Variants in LATS2 observed in about 807,000 individuals in gnomAD.
LATS2 encodes serine/threonine-protein kinase LATS2.
A neutral mutation model predicts 76.0 loss-of-function variants in LATS2; 24 were observed. The ratio of observed to expected loss-of-function variants is 0.32; its 90% CI spans 0.23 to 0.44. The LOEUF (loss-of-function observed/expected upper bound fraction) is 0.44, where lower values mean the gene tolerates loss of function less well. Ranked by LOEUF, LATS2 falls within the 20% of genes least tolerant of loss-of-function variation. The pLI, the probability that LATS2 is intolerant of heterozygous loss-of-function variation, is 1.00. For synonymous variants in LATS2, 692 were observed against 635.4 expected (o/e 1.09, Z -1.34); for missense variants, 1,286 against 1,481.2 (o/e 0.87, Z 2.16).
At chr13:20,992,471 G>A (rs1243532423) in intron 2 of LATS2, among the ~76,000 whole-genome samples, 1 of 152,158 alleles carries the variant, frequency 6.6e-6, no homozygotes, top group Non-Finnish European at 1.5e-5. Flanking sequence ...GGGCGGTGAG[G>A]CTCTGATGAA....
Position 20,991,861 on chromosome 13 carries a change from C to T in LATS2, c.343-457G>A, listed in dbSNP as rs549295820. Among the ~76,000 whole-genome samples, 6 of 152,270 alleles carry T rather than the reference C, an allele frequency of 3.9e-5. No individual in the cohort carries two copies. The highest frequency in any genetic ancestry group is 1.9e-4 in the East Asian group (1 of 5,176). ...GTCCCCAGGGAGAGGGTGCAGCTGCCGAAGAGTCATATATTACACGCCTAC... is the reference window on the plus strand; with the variant it reads ...GTCCCCAGGGAGAGGGTGCAGCTGCTGAAGAGTCATATATTACACGCCTAC... On this transcript the variant is annotated intron_variant, in intron 2 of 7. Coordinates refer to ENST00000382592, the MANE Select transcript of LATS2 (RefSeq NM_014572.3). This position sits in a 1 kb window ranked among gnomAD's most constrained non-coding sequence, Gnocchi z 4.9.
At chr13:21,019,626 A>G (rs1026521314) in intron 2 of LATS2, among the ~76,000 whole-genome samples, 1 of 128,508 alleles carries the variant, frequency 7.8e-6, no homozygotes, top group African/African-American at 2.9e-5. Context: ...TATAGGTGTG[A>G]GCCACCGCAT....
chr13:21,008,986 A>C (rs1292069124), intron 2 of LATS2, among the ~76,000 whole-genome samples: 2 of 152,242 alleles, frequency 1.3e-5, no homozygotes, highest in African/African-American at 4.8e-5. Flanking sequence ...CACGTTGCAA[A>C]ATCACGTTGT....
At chr13:21,035,067 T>C (rs1031320974) in intron 2 of LATS2, among the ~76,000 whole-genome samples, 1 of 151,954 alleles carries the variant, frequency 6.6e-6, no homozygotes, top group Non-Finnish European at 1.5e-5. Flanking sequence ...TCCATCTCTA[T>C]TGACAAGAAC....
chr13:21,036,969 T>C (rs1398855813), intron 2 of LATS2, among the ~76,000 whole-genome samples: 2 of 152,250 alleles, frequency 1.3e-5, no homozygotes, highest in Non-Finnish European at 2.9e-5. Flanking sequence ...ACATTTACGC[T>C]AGTAATTCCA....
intron 1 of LATS2, among the ~76,000 whole-genome samples, chr13:21,048,710 G>A (rs1341639358): frequency 6.6e-6 from 1 of 151,974 alleles, no homozygotes; most frequent in Non-Finnish European, 1.5e-5. Context: ...GGTGGCGGGT[G>A]CCTATAATCC....
At chr13:21,005,143 C>G (rs1315385703) in intron 2 of LATS2, 1 of 152,140 alleles carries the variant, frequency 6.6e-6, no homozygotes, top group African/African-American at 2.4e-5. Flanking sequence ...GTTTTCCCAA[C>G]ACAAAAAAGG....
chr13:21,043,868 C>G (rs1046319497), intron 2 of LATS2, among the ~76,000 whole-genome samples: 1 of 152,158 alleles, frequency 6.6e-6, no homozygotes, highest in African/African-American at 2.4e-5. Context: ...GGTTTGCCTC[C>G]TTTGTCTGCA....
intron 2 of LATS2, among the ~76,000 whole-genome samples, chr13:21,018,780 A>G (rs933589988): frequency 1.3e-5 from 2 of 151,744 alleles, no homozygotes; most frequent in Non-Finnish European, 2.9e-5. Flanking sequence ...CAGCCTCCTG[A>G]GTATATAGGC....
Position 20,989,299 on chromosome 13 carries a change from C to T in LATS2, c.481G>A (p.Gly161Arg). 1 of 1,613,798 alleles carries T rather than the reference C, an allele frequency of 6.2e-7. No individual in the cohort carries two copies. The highest frequency in any genetic ancestry group is 8.5e-7 in the Non-Finnish European group (1 of 1,180,016). The stretch of plus-strand genomic sequence containing the variant: ...CGCGTCACTGGGGTTGGCATGAGCC[C>T]CTTTCCTGCAGTGGAAAAAACAGGA... The part of the protein sequence containing the change: ...RVIKQTSPGK[G>R]LMPTPVTRRP... The change falls in exon 4 of 8, where the codon GGG becomes AGG. Residue 161 changes from glycine to arginine, a missense_variant. By Grantham distance (125) the Gly-to-Arg change is moderately radical. This residue lies in a region of LATS2 where 710 missense variants were observed against 660.9 expected (regional missense o/e 1.07). Transcript: ENST00000382592.
chr13:21,028,445 A>C (rs978332024), intron 2 of LATS2, among the ~76,000 whole-genome samples: 8 of 152,208 alleles, frequency 5.3e-5, no homozygotes, highest in Non-Finnish European at 1.0e-4. Context: ...GTATATACCC[A>C]GTAATTTATT....
chr13:21,024,367 C>T (rs188202694), intron 2 of LATS2, among the ~76,000 whole-genome samples: 1 of 151,972 alleles, frequency 6.6e-6, no homozygotes, highest in Admixed American at 6.6e-5. Context: ...ACCTGGGAGG[C>T]GGAGGTTGCA....
chr13:20,978,990 G>C (rs564533148), intron 7 of LATS2, among the ~76,000 whole-genome samples: 5 of 152,206 alleles, frequency 3.3e-5, no homozygotes, highest in East Asian at 3.9e-4. Flanking sequence ...TTGAACTCCT[G>C]ACCTCAGGTA....
intron 2 of LATS2, among the ~76,000 whole-genome samples, chr13:21,004,746 T>A (rs1871199223): frequency 6.6e-6 from 1 of 152,224 alleles, no homozygotes; most frequent in African/African-American, 2.4e-5. Context: ...CCAAGCCCAA[T>A]GTGAGACTGC....
Position 20,989,076 on chromosome 13 carries a change from T to G in LATS2, c.704A>C (p.Tyr235Ser). The G allele has an allele frequency of 6.3e-7, 1 of 1,593,930 alleles. No individual in the cohort carries two copies. The highest frequency in any genetic ancestry group is 8.5e-7 in the Non-Finnish European group (1 of 1,173,054). ...CCCTGCTGCCTCTACGCTGGCACCG[T>G]AGCCCTTGGGTGGGTGCTGGTGCTG... ...GHQHQHPPKG[Y>S]GASVEAAGAH... Residue 235 changes from tyrosine to serine, a missense_variant, in exon 4 of 8, where the codon TAC becomes TCC. Physicochemically the swap from Tyr to Ser is moderately radical, Grantham distance 144. Coordinates refer to ENST00000382592, the MANE Select transcript of LATS2 (RefSeq NM_014572.3).
At chr13:21,022,611 G>A (rs543749580) in intron 2 of LATS2, among the ~76,000 whole-genome samples, 1 of 152,262 alleles carries the variant, frequency 6.6e-6, no homozygotes. Context: ...AAAGTCAGAG[G>A]AAAGCTTTTT....
At position 20,988,233 on chromosome 13, in the gene LATS2, G is replaced by C; in HGVS notation, c.1547C>G (p.Pro516Arg). The C allele has an allele frequency of 6.2e-7, 1 of 1,605,580 alleles. No homozygotes were observed. ...YGGPDRRCPP[P>R]PYPKHLLLRS... ...CAGCAGCAGGTGCTTCGGGTAGGGC[G>C]GAGGCGGGCACCTCCGGTCTGGGCC... Residue 516 changes from proline to arginine, a missense_variant, in exon 4 of 8, where the codon CCG becomes CGG. This residue lies in a region of LATS2 where 710 missense variants were observed against 660.9 expected (regional missense o/e 1.07). Transcript: ENST00000382592.
chr13:20,992,781 A>G (rs777282059), intron 2 of LATS2, among the ~76,000 whole-genome samples: 22 of 152,138 alleles, frequency 1.4e-4, no homozygotes, highest in Non-Finnish European at 2.9e-4. Flanking sequence ...TCACGCCTGT[A>G]ATCCCAGCAC....
intron 7 of LATS2, 33 bp from the exon 8 acceptor site, chr13:20,975,397 C>T: frequency 6.6e-7 from 1 of 1,520,294 alleles, no homozygotes; most frequent in Non-Finnish European, 8.8e-7. Context: ...AGGTTAGTTT[C>T]TCCTCACATC....
Sources: gnomAD v4.1 joint callset for allele counts (sites outside exome capture counted in the v4.1 genomes callset) on GRCh38, gnomAD v4.1.1 for gene constraint, gnomAD v4.1.1 regional missense constraint, Gnocchi (gnomAD v3.1) non-coding constraint, MANE v1.5 for transcripts, NCBI Gene and HGNC (gene_info 2026-07-23, HGNC 2026-07-21) for gene names.